The following PRH1 variants were observed in gnomAD, a reference collection of about 807,000 sequenced individuals.
PRH1 encodes proline rich protein HaeIII subfamily 1, also known as salivary acidic proline-rich phosphoprotein 1/2.
PRH1 carries 7 observed loss-of-function variants against 7.9 expected under a neutral mutation model. The observed-to-expected ratio is 0.89, with a 90% confidence interval of 0.50 to 1.67. PRH1 has a LOEUF of 1.67. Among genes scored for constraint, PRH1 ranks in the 40% most tolerant of loss-of-function variants. PRH1 has a pLI of 0.00. For synonymous variants in PRH1, 45 were observed against 80.8 expected, an observed-to-expected ratio of 0.56 and a Z score of 2.38; for missense variants, 109 against 223.6, an observed-to-expected ratio of 0.49 and a Z score of 3.27.
intron 1 of PRH1, among the ~76,000 whole-genome samples, chr12:11,115,683 T>C (rs1056352216): frequency 6.6e-6 from 1 of 152,058 alleles, no homozygotes; most frequent in African/African-American, 2.4e-5. Context: ...AAAATTGAAA[T>C]ATTACCAAGC....
At chr12:10,997,550 T>A in intron 1 of PRH1, 1 of 1,614,098 alleles carries the variant, frequency 6.2e-7, no homozygotes, top group Non-Finnish European at 8.5e-7. Context: ...ATTGACGATC[T>A]TGAGCAAATA....
chr12:11,093,334 G>C lies in PRH1; in HGVS notation n.124-46146C>G, dbSNP rs1944987600. On this transcript the variant is annotated intron_variant and non_coding_transcript_variant, in intron 1 of 4. Coordinates refer to the PRH1 transcript ENST00000541977. Reference sequence around the variant, plus strand: ...GCAGGCCAATCCTCCATAAGATCTGGTTGCTGCTAATACTTTCGTATAACT... The same window carrying C: ...GCAGGCCAATCCTCCATAAGATCTGCTTGCTGCTAATACTTTCGTATAACT... Among the ~76,000 whole-genome samples the C allele has an allele frequency of 1.7e-5, 2 of 115,846 alleles. 1 individual carries two copies. Among genetic ancestry groups the C allele is most frequent in the Non-Finnish European group, 4.1e-5 (2 of 49,050 alleles). The allele number at this position is 115,846 out of a possible 152,430, so 76.0% of individuals were successfully genotyped here.
intron 1 of PRH1, chr12:10,997,219 G>T (rs1363998864): frequency 3.7e-6 from 6 of 1,613,838 alleles, no homozygotes; most frequent in African/African-American, 1.3e-5. Flanking sequence ...TCTTGGTGCT[G>T]GGATCTTGAG....
At chr12:11,037,010 A>G (rs1323875268) in intron 1 of PRH1, among the ~76,000 whole-genome samples, 1 of 152,202 alleles carries the variant, frequency 6.6e-6, no homozygotes, top group Non-Finnish European at 1.5e-5. Context: ...GTACCCTCAC[A>G]TGGTATTTCA....
intron 1 of PRH1, among the ~76,000 whole-genome samples, chr12:10,981,236 C>G (rs1052385333): frequency 2.0e-5 from 3 of 152,136 alleles, no homozygotes; most frequent in Non-Finnish European, 4.4e-5. Context: ...GAAAACAGTC[C>G]TCAGAGAACA....
chr12:10,949,924 T>C (rs1950544235), intron 2 of PRH1, among the ~76,000 whole-genome samples: 2 of 152,218 alleles, frequency 1.3e-5, no homozygotes, highest in South Asian at 4.1e-4. Context: ...ACCAATGTAA[T>C]AAATTACAAT....
In PRH1 at chr12:11,093,439, T is replaced by A. The variant is rs1302515802; in HGVS notation, n.124-46251A>T. Among the ~76,000 whole-genome samples the A allele has an allele frequency of 2.6e-5, 3 of 115,960 alleles. 1 individual carries two copies. The highest frequency in any genetic ancestry group is 5.8e-5 in the African/African-American group (2 of 34,554). The allele number at this position is 115,960 out of a possible 152,430, so 76.1% of individuals were successfully genotyped here. On this transcript the variant is annotated intron_variant and non_coding_transcript_variant, in intron 1 of 4. Coordinates refer to the PRH1 transcript ENST00000541977. The stretch of plus-strand genomic sequence containing the variant: ...ATGAATGGAACAAATTATTTTCTTG[T>A]AATTTCCAAAATAAAAAATGAGTTT...
chr12:11,090,357 G>C (rs1188250506), intron 1 of PRH1, among the ~76,000 whole-genome samples: 1 of 116,580 alleles, frequency 8.6e-6, no homozygotes, highest in African/African-American at 2.9e-5. Flanking sequence ...CTGAAGTTTA[G>C]AAGGAATTTT....
At chr12:11,100,337 G>C (rs1379102838) in intron 1 of PRH1, among the ~76,000 whole-genome samples, 1 of 152,168 alleles carries the variant, frequency 6.6e-6, no homozygotes, top group African/African-American at 2.4e-5. Context: ...TCAAAGAAGA[G>C]AATAAAACCA....
chr12:11,103,733 C>T (rs1010115363), intron 1 of PRH1, among the ~76,000 whole-genome samples: 4 of 151,774 alleles, frequency 2.6e-5, no homozygotes, highest in Non-Finnish European at 2.9e-5. Context: ...AACAAAATCT[C>T]GTGTTAAGCC....
At chr12:11,001,383 G>A (rs951679571) in intron 1 of PRH1, among the ~76,000 whole-genome samples, 2 of 152,098 alleles carry the variant, frequency 1.3e-5, no homozygotes, top group Admixed American at 1.3e-4. Flanking sequence ...TATCAGGTGA[G>A]ATATAGAAGA....
intron 2 of PRH1, among the ~76,000 whole-genome samples, chr12:10,914,113 A>G (rs1163677435): frequency 1.3e-5 from 2 of 152,220 alleles, no homozygotes; most frequent in Non-Finnish European, 2.9e-5. Flanking sequence ...CTGTAAAACA[A>G]GATAGGGAGT....
At chr12:10,903,952 A>AAAAAAAAAAAAAAAAAAAAC in intron 2 of PRH1, among the ~76,000 whole-genome samples, 1 of 144,800 alleles carries the variant, frequency 6.9e-6, no homozygotes, top group South Asian at 2.2e-4. Context: ...AAAAAAAAAA[A>AAAAAAAAAAAAAAAAAAAAC]AACAACTAGG....
intron 2 of PRH1, chr12:10,930,737 C>G (rs1167444951): frequency 1.2e-6 from 2 of 1,613,704 alleles, no homozygotes; most frequent in Non-Finnish European, 1.7e-6. Context: ...TCTCAACCCT[C>G]TGCTGGTGAT....
chr12:11,025,508 T>G (rs182590939), intron 1 of PRH1, among the ~76,000 whole-genome samples: 10 of 152,412 alleles, frequency 6.6e-5, no homozygotes, highest in Admixed American at 5.2e-4. Flanking sequence ...TTGCGTCCTG[T>G]ATTATTTTAT....
intron 2 of PRH1, chr12:10,907,971 T>C (rs1360615323): frequency 2.5e-5 from 4 of 162,782 alleles, no homozygotes; most frequent in African/African-American, 9.6e-5. Context: ...ACTGTTCTAA[T>C]TATCTGTAGC....
chr12:10,931,288 A>G (rs1395475678), intron 2 of PRH1: 2 of 1,059,080 alleles, frequency 1.9e-6, no homozygotes, highest in South Asian at 1.7e-5. Flanking sequence ...GAGAATCACT[A>G]TCTTCAAATT....
intron 1 of PRH1, among the ~76,000 whole-genome samples, chr12:11,013,018 G>A (rs930683434): frequency 2.8e-4 from 42 of 152,130 alleles, no homozygotes; most frequent in African/African-American, 9.9e-4. Flanking sequence ...CACAAGGAGA[G>A]TCTTTGCAGG....
At chr12:11,069,750 A>C (rs1415293034) in intron 1 of PRH1, among the ~76,000 whole-genome samples, 1 of 152,216 alleles carries the variant, frequency 6.6e-6, no homozygotes, top group Non-Finnish European at 1.5e-5. Flanking sequence ...ATGGAGCTGA[A>C]AAGCTCATTC....
Sources: allele counts gnomAD v4.1 joint callset (sites outside exome capture counted in the v4.1 genomes callset), GRCh38; gene constraint gnomAD v4.1.1; transcripts MANE v1.5; gene names NCBI Gene and HGNC (gene_info 2026-07-23, HGNC 2026-07-21).